The following PLCH1 variants were observed in gnomAD, a reference collection of about 807,000 sequenced individuals.
The protein encoded by PLCH1 is phospholipase C eta 1, also known as 1-phosphatidylinositol 4,5-bisphosphate phosphodiesterase eta-1.
Under a neutral mutation model 126.7 loss-of-function variants are expected in PLCH1, and 60 were observed. The observed-to-expected ratio is 0.47, with a 90% CI of 0.38 to 0.59. The LOEUF (loss-of-function observed/expected upper bound fraction) is 0.59, where lower values mean the gene tolerates loss of function less well. Ranked by LOEUF, PLCH1 falls within the 20% of genes least tolerant of loss-of-function variation. The pLI, the probability that PLCH1 is intolerant of heterozygous loss-of-function variation, is 0.00. For synonymous variants in PLCH1, 719 were observed against 734.9 expected (o/e 0.98, Z 0.35); for missense variants, 1,723 against 2,040.0 (o/e 0.84, Z 2.99).
chr3:155,566,798 G>T (rs1051546706), intron 7 of PLCH1, among the ~76,000 whole-genome samples: 1 of 151,990 alleles, frequency 6.6e-6, no homozygotes, highest in Admixed American at 6.6e-5. Context: ...TAAATACATG[G>T]ATGACTCACA....
intron 2 of PLCH1, among the ~76,000 whole-genome samples, chr3:155,680,912 C>T (rs1277900812): frequency 3.3e-5 from 5 of 151,958 alleles, no homozygotes; most frequent in South Asian, 4.2e-4. Context: ...TTGCAATTAC[C>T]TGGAGAATGT....
At chr3:155,588,208 T>A (rs1731630839) in intron 4 of PLCH1, among the ~76,000 whole-genome samples, 1 of 152,214 alleles carries the variant, frequency 6.6e-6, no homozygotes, top group Admixed American at 6.5e-5. Flanking sequence ...ATTTTTTCCC[T>A]TTAAAACTTT....
At chr3:155,625,796 T>C (rs1040727114) in intron 2 of PLCH1, among the ~76,000 whole-genome samples, 1 of 152,178 alleles carries the variant, frequency 6.6e-6, no homozygotes, top group Non-Finnish European at 1.5e-5. Context: ...GTAAATTGGT[T>C]CAACCATTGT....
At chr3:155,558,178 C>G (rs1727083299) in intron 8 of PLCH1, among the ~76,000 whole-genome samples, 1 of 152,168 alleles carries the variant, frequency 6.6e-6, no homozygotes, top group Admixed American at 6.5e-5. Flanking sequence ...ACCTCCAGGT[C>G]ACAATAGTGT....
At chr3:155,681,859 G>A (rs1415101403) in intron 2 of PLCH1, among the ~76,000 whole-genome samples, 1 of 152,106 alleles carries the variant, frequency 6.6e-6, no homozygotes, top group Non-Finnish European at 1.5e-5. Flanking sequence ...ATAAAATAGG[G>A]GGGTTTTTTA....
chr3:155,626,756 G>A (rs1247291516), intron 2 of PLCH1, among the ~76,000 whole-genome samples: 1 of 103,010 alleles, frequency 9.7e-6, no homozygotes, highest in Admixed American at 1.6e-4. Flanking sequence ...GCCACAGAGC[G>A]AGACTCCGTC....
At chr3:155,529,887 C>T (rs560004982) in intron 10 of PLCH1, among the ~76,000 whole-genome samples, 10 of 152,270 alleles carry the variant, frequency 6.6e-5, no homozygotes, top group African/African-American at 2.4e-4. Context: ...CTGCCTCAGC[C>T]TCCCAAGTAG....
chr3:155,656,016 C>T (rs7645831), intron 2 of PLCH1, among the ~76,000 whole-genome samples: 49,877 of 151,880 alleles, frequency 0.33, 8,445 homozygotes, highest in East Asian at 0.46. Context: ...ACAGCAGATA[C>T]GTTTAAAAGA....
At chr3:155,495,038 A>G (rs1284155350) in intron 15 of PLCH1, among the ~76,000 whole-genome samples, 1 of 152,220 alleles carries the variant, frequency 6.6e-6, no homozygotes, top group Non-Finnish European at 1.5e-5. Flanking sequence ...AAAAATAAAA[A>G]GTTGAGTTTT....
chr3:155,578,568 A>G (rs1443883749), intron 6 of PLCH1, among the ~76,000 whole-genome samples: 1 of 152,234 alleles, frequency 6.6e-6, no homozygotes, highest in Non-Finnish European at 1.5e-5. Context: ...AAAGGGGTTC[A>G]TTATAAATAA....
intron 21 of PLCH1, among the ~76,000 whole-genome samples, chr3:155,472,082 C>G (rs141018880): frequency 0.056 from 8,546 of 152,054 alleles, 431 homozygotes; most frequent in African/African-American, 0.14. Flanking sequence ...GAAATCAGAG[C>G]AGAACTGAAG....
intron 2 of PLCH1, among the ~76,000 whole-genome samples, chr3:155,669,153 G>GAAA (rs375786717): frequency 9.1e-6 from 1 of 109,474 alleles, no homozygotes; most frequent in Admixed American, 9.4e-5. Flanking sequence ...TACTTCTTCA[G>GAAA]AAAAAAAAAA....
intron 10 of PLCH1, among the ~76,000 whole-genome samples, chr3:155,536,622 GA>G (rs1179438794): frequency 7.9e-5 from 12 of 151,868 alleles, no homozygotes; most frequent in African/African-American, 2.7e-4. Context: ...ATCTGACAAA[GA>G]CAAAGAAAAA....
At position 155,566,312 on chromosome 3, in the gene PLCH1, C is replaced by CGT. The variant is rs1553839448; in HGVS notation, c.866-1195_866-1194insAC. ...ATACGTATATATACACATATATATACATATATACATATATATACGTATATA... is the reference window on the plus strand; with the variant it reads ...ATACGTATATATACACATATATATACGTATATATACATATATATACGTATATA... On this transcript the variant is annotated intron_variant, in intron 7 of 22. Coordinates refer to ENST00000460012, the MANE Select transcript of PLCH1 (RefSeq NM_014996.4). 3.3e-4 allele frequency among the ~76,000 whole-genome samples: 4 copies of CGT among 12,282 alleles called. 1 individual carries two copies. The highest frequency in any genetic ancestry group is 1.5e-3 in the South Asian group (1 of 648). 8.1% of individuals were successfully genotyped at this position (12,282 alleles called of 152,430 possible).
chr3:155,516,082 C>T (rs1421754613), intron 11 of PLCH1, among the ~76,000 whole-genome samples: 1 of 152,102 alleles, frequency 6.6e-6, no homozygotes, highest in Non-Finnish European at 1.5e-5. Flanking sequence ...CTTTAACATG[C>T]CCAATTAATG....
chr3:155,700,628 GA>G (rs1162077204), intron 2 of PLCH1, among the ~76,000 whole-genome samples: 3 of 152,180 alleles, frequency 2.0e-5, no homozygotes, highest in African/African-American at 7.2e-5. Flanking sequence ...AGTATGTGAA[GA>G]CAAACATTAA....
chr3:155,471,642 C>G (rs1379019641), intron 21 of PLCH1, among the ~76,000 whole-genome samples: 3 of 146,316 alleles, frequency 2.1e-5, no homozygotes, highest in Non-Finnish European at 4.5e-5. Flanking sequence ...CAGCACCACA[C>G]CACACCTATT....
intron 2 of PLCH1, among the ~76,000 whole-genome samples, chr3:155,694,053 T>C (rs993253818): frequency 4.6e-5 from 7 of 152,222 alleles, no homozygotes; most frequent in African/African-American, 1.4e-4. Context: ...TCCATGTCCT[T>C]CTTTTTTAAT....
In PLCH1 at chr3:155,554,407, T is replaced by C. The variant is rs144801020; in HGVS notation, c.1070-211A>G. ...TGCTTTTCCTCAAGACACAATGATT[T>C]GGTTTTGAGTGTGGTTAAAAAGATG... On this transcript the variant is annotated intron_variant, in intron 8 of 22. Coordinates refer to ENST00000460012, the MANE Select transcript of PLCH1 (RefSeq NM_014996.4). Among the ~76,000 whole-genome samples the C allele has an allele frequency of 3.9e-3, 597 of 152,316 alleles. 5 individuals carry two copies. Among genetic ancestry groups the C allele is most frequent in the African/African-American group, 0.014 (578 of 41,570 alleles).
Sources: allele counts gnomAD v4.1 joint callset (sites outside exome capture counted in the v4.1 genomes callset), GRCh38; gene constraint gnomAD v4.1.1; transcripts MANE v1.5; gene names NCBI Gene and HGNC (gene_info 2026-07-23, HGNC 2026-07-21).